KCNAB1: variants seen among roughly 807,000 people sequenced by gnomAD.
KCNAB1 encodes potassium voltage-gated channel subfamily A regulatory beta subunit 1, also known as voltage-gated potassium channel subunit beta-1.
Under a neutral mutation model 64.6 loss-of-function variants are expected in KCNAB1, and 35 were observed. The ratio of observed to expected loss-of-function variants is 0.54; its 90% CI spans 0.41 to 0.72. The LOEUF (loss-of-function observed/expected upper bound fraction) is 0.72, where lower values mean the gene tolerates loss of function less well. Ranked by LOEUF, KCNAB1 falls within the 30% of genes least tolerant of loss-of-function variation. The pLI is 0.00. For synonymous variants in KCNAB1, 177 were observed against 183.8 expected, an observed-to-expected ratio of 0.96 and a Z score of 0.30; for missense variants, 401 against 512.9, an observed-to-expected ratio of 0.78 and a Z score of 2.11.
chr3:156,130,638 A>G (rs542556281), intron 1 of KCNAB1, among the ~76,000 whole-genome samples: 13 of 152,352 alleles, frequency 8.5e-5, no homozygotes, highest in African/African-American at 2.6e-4. Context: ...GCACATCTCA[A>G]CTCAACAGAA....
intron 3 of KCNAB1, chr3:156,457,165 T>A: frequency 8.6e-7 from 1 of 1,164,606 alleles, no homozygotes; most frequent in Non-Finnish European, 1.1e-6. Flanking sequence ...AAGAATGTTG[T>A]CAAACCAGCT....
chr3:156,510,406 C>T (rs761720612), intron 8 of KCNAB1, among the ~76,000 whole-genome samples: 7 of 152,000 alleles, frequency 4.6e-5, no homozygotes, highest in Non-Finnish European at 1.0e-4. Flanking sequence ...GGGGCTCTGT[C>T]CCTCCTCCCT....
At chr3:156,422,507 T>C (rs901842158) in intron 2 of KCNAB1, among the ~76,000 whole-genome samples, 1 of 152,202 alleles carries the variant, frequency 6.6e-6, no homozygotes, top group African/African-American at 2.4e-5. Flanking sequence ...ACTCTAAGGA[T>C]TTTTTGCCTG....
intron 1 of KCNAB1, among the ~76,000 whole-genome samples, chr3:156,321,243 C>T (rs1722639887): frequency 6.6e-6 from 1 of 152,094 alleles, no homozygotes; most frequent in Non-Finnish European, 1.5e-5. Context: ...TCCTGAATTC[C>T]CTGTCTCAAG....
At chr3:156,142,948 CA>C in intron 1 of KCNAB1, 1 of 1,164,432 alleles carries the variant, frequency 8.6e-7, no homozygotes, top group South Asian at 4.1e-5. Flanking sequence ...GATTGGCCAC[CA>C]AAAGCCTCCT....
At chr3:156,236,488 A>C (rs1287992017) in intron 1 of KCNAB1, among the ~76,000 whole-genome samples, 1 of 152,158 alleles carries the variant, frequency 6.6e-6, no homozygotes, top group Non-Finnish European at 1.5e-5. Context: ...AGATGAGACA[A>C]ATTTGGGAGC....
intron 11 of KCNAB1, among the ~76,000 whole-genome samples, chr3:156,519,988 C>G (rs1299372715): frequency 3.3e-5 from 5 of 152,100 alleles, no homozygotes; most frequent in African/African-American, 1.2e-4. Context: ...GCAGTAAAGA[C>G]ATAGCTTGTA....
chr3:156,517,811 C>T (rs1364350315), intron 11 of KCNAB1, among the ~76,000 whole-genome samples: 1 of 152,204 alleles, frequency 6.6e-6, no homozygotes, highest in Non-Finnish European at 1.5e-5. Flanking sequence ...CTCACAATAA[C>T]CTGCTGAGAG....
intron 1 of KCNAB1, among the ~76,000 whole-genome samples, chr3:156,385,489 T>C (rs1446132616): frequency 1.3e-5 from 2 of 150,008 alleles, no homozygotes; most frequent in Non-Finnish European, 3.0e-5. Flanking sequence ...TTGCCTACAA[T>C]AAAAATAATT....
intron 1 of KCNAB1, among the ~76,000 whole-genome samples, chr3:156,276,217 T>C (rs1719338762): frequency 2.0e-5 from 3 of 152,192 alleles, no homozygotes; most frequent in Admixed American, 6.5e-5. Context: ...TTGAAATATG[T>C]CTTTTTTTCT....
chr3:156,249,721 A>G (rs576333975), intron 1 of KCNAB1, among the ~76,000 whole-genome samples: 9 of 152,306 alleles, frequency 5.9e-5, no homozygotes, highest in South Asian at 2.1e-4. Context: ...TCCATGCTCT[A>G]TAAGACCTTA....
chr3:156,522,675 C>T (rs955490745), intron 11 of KCNAB1, among the ~76,000 whole-genome samples: 5 of 152,308 alleles, frequency 3.3e-5, no homozygotes, highest in Non-Finnish European at 7.4e-5. Flanking sequence ...TGTGGTTACC[C>T]TTTTCTTTGG....
intron 8 of KCNAB1, among the ~76,000 whole-genome samples, chr3:156,506,527 GA>G (rs1716847613): frequency 6.6e-6 from 1 of 152,202 alleles, no homozygotes. Context: ...AGAGGTTGAG[GA>G]CCATGTGCTC....
intron 1 of KCNAB1, among the ~76,000 whole-genome samples, chr3:156,334,754 G>T (rs753949173): frequency 1.1e-4 from 17 of 151,948 alleles, no homozygotes; most frequent in Non-Finnish European, 2.1e-4. Context: ...TTCCTGTTTT[G>T]GCCTTCTTCT....
intron 1 of KCNAB1, among the ~76,000 whole-genome samples, chr3:156,323,686 G>A (rs980740424): frequency 5.9e-5 from 9 of 152,126 alleles, no homozygotes; most frequent in Non-Finnish European, 1.0e-4. Flanking sequence ...ATTGGGAGAC[G>A]TGCTTTAGGA....
chr3:156,171,187 G>GCGCACACACACACA (rs1553812697), intron 1 of KCNAB1, among the ~76,000 whole-genome samples: 1 of 142,738 alleles, frequency 7.0e-6, no homozygotes, highest in Non-Finnish European at 1.5e-5. Flanking sequence ...GAAACTTCAC[G>GCGCACACACACACA]CACACATACA....
chr3:156,191,992 C>T (rs1418824555), intron 1 of KCNAB1, among the ~76,000 whole-genome samples: 1 of 152,216 alleles, frequency 6.6e-6, no homozygotes, highest in Non-Finnish European at 1.5e-5. Flanking sequence ...ATGTCCCTCT[C>T]TGTTCCTCTT....
intron 1 of KCNAB1, among the ~76,000 whole-genome samples, chr3:156,252,806 G>C (rs1345690941): frequency 6.6e-6 from 1 of 152,210 alleles, no homozygotes; most frequent in South Asian, 2.1e-4. Context: ...TGGCAGAAGA[G>C]AGTCAGCAGC....
chr3:156,161,561 A>G lies in KCNAB1; in HGVS notation c.275+40675A>G, dbSNP rs537898270. Reference sequence around the variant, plus strand: ...GTTTCCCCTCACTCTTCCTCACTCCATTTCATGCTGATTTTGGATCTAACT... The same window carrying G: ...GTTTCCCCTCACTCTTCCTCACTCCGTTTCATGCTGATTTTGGATCTAACT... On this transcript the variant is annotated intron_variant, in intron 1 of 13. Coordinates refer to ENST00000490337, the MANE Select transcript of KCNAB1 (RefSeq NM_172160.3). Among the ~76,000 whole-genome samples the G allele has an allele frequency of 1.5e-3, 229 of 152,232 alleles. 1 individual carries two copies. The highest frequency in any genetic ancestry group is 5.3e-3 in the African/African-American group (219 of 41,546).
Sources: allele counts gnomAD v4.1 joint callset (sites outside exome capture counted in the v4.1 genomes callset), GRCh38; gene constraint gnomAD v4.1.1; transcripts MANE v1.5; gene names NCBI Gene and HGNC (gene_info 2026-07-23, HGNC 2026-07-21).